Variants in PHKB observed in about 807,000 individuals in gnomAD.
The protein encoded by PHKB is phosphorylase kinase regulatory subunit beta.
PHKB carries 122 observed loss-of-function variants against 152.1 expected under a neutral mutation model. The ratio of observed to expected loss-of-function variants is 0.80; its 90% CI spans 0.69 to 0.93. PHKB has a LOEUF of 0.93. Among genes scored for constraint, PHKB ranks in the 40% least tolerant of loss-of-function variants. PHKB has a pLI of 0.00. For synonymous variants in PHKB, 436 were observed against 464.9 expected, an observed-to-expected ratio of 0.94 and a Z score of 0.80; for missense variants, 1,304 against 1,328.4, an observed-to-expected ratio of 0.98 and a Z score of 0.29.
chr16:47,578,413 A>T (rs899806828), intron 7 of PHKB, among the ~76,000 whole-genome samples: 1 of 152,160 alleles, frequency 6.6e-6, no homozygotes, highest in East Asian at 1.9e-4. Context: ...GCATAATAGT[A>T]TAAGACCCTA....
intron 27 of PHKB, among the ~76,000 whole-genome samples, chr16:47,693,143 G>C (rs865881152): frequency 6.6e-6 from 1 of 152,260 alleles, no homozygotes; most frequent in Middle Eastern, 3.4e-3. Flanking sequence ...TTACTTACAG[G>C]ATAACATTTT....
At chr16:47,606,183 A>G (rs1972320441) in intron 13 of PHKB, among the ~76,000 whole-genome samples, 1 of 152,198 alleles carries the variant, frequency 6.6e-6, no homozygotes, top group Non-Finnish European at 1.5e-5. Context: ...TATTGAAAAG[A>G]TCTTCCAAGA....
chr16:47,503,485 G>A (rs755770151), intron 4 of PHKB, among the ~76,000 whole-genome samples: 26 of 152,148 alleles, frequency 1.7e-4, no homozygotes, highest in Non-Finnish European at 3.4e-4. Flanking sequence ...GTTTAAAAAT[G>A]TAACACTTCA....
At chr16:47,683,200 G>C (rs1244634560) in intron 26 of PHKB, among the ~76,000 whole-genome samples, 1 of 152,222 alleles carries the variant, frequency 6.6e-6, no homozygotes, top group Non-Finnish European at 1.5e-5. Flanking sequence ...CAGTTAGGCT[G>C]CTCGGGGGTC....
At position 47,689,148 on chromosome 16, in the gene PHKB, A is replaced by G; in HGVS notation, c.2738A>G (p.Asp913Gly). 1.2e-6 allele frequency: 2 copies of G among 1,614,088 alleles called. No individual in the cohort carries two copies. The highest frequency in any genetic ancestry group is 2.7e-5 in the African/African-American group (2 of 75,034). The change falls in exon 27 of 31, where the codon GAT (aspartate) becomes GGT (glycine). Residue 913 changes from aspartate to glycine, a missense_variant. Physicochemically the swap from Asp to Gly is moderately conservative, Grantham distance 94 (BLOSUM62 -1). Coordinates refer to ENST00000323584, the MANE Select transcript of PHKB (RefSeq NM_000293.3). Reference sequence around the variant, plus strand: ...AGTGAAGTTAAACAGCTTCTGCTGGATATTCTGCAGCCTCAACAGAATGGA... The same window carrying G: ...AGTGAAGTTAAACAGCTTCTGCTGGGTATTCTGCAGCCTCAACAGAATGGA... ...SPSEVKQLLL[D>G]ILQPQQNGRC...
chr16:47,671,236 G>A (rs1255436361), intron 26 of PHKB, among the ~76,000 whole-genome samples: 1 of 151,832 alleles, frequency 6.6e-6, no homozygotes, highest in Non-Finnish European at 1.5e-5. Flanking sequence ...CATCCTTTTT[G>A]CATTCAATGT....
chr16:47,527,808 A>T (rs923569485), intron 6 of PHKB, among the ~76,000 whole-genome samples: 2 of 152,154 alleles, frequency 1.3e-5, no homozygotes, highest in Non-Finnish European at 2.9e-5. Flanking sequence ...GTAAATTTTG[A>T]TGTAGAAAGG....
intron 4 of PHKB, among the ~76,000 whole-genome samples, chr16:47,509,394 T>G (rs1291457222): frequency 1.3e-5 from 2 of 152,144 alleles, no homozygotes; most frequent in African/African-American, 2.4e-5. Flanking sequence ...CAGACTTTTA[T>G]TTTGCTGATT....
Position 47,503,032 on chromosome 16 carries a change from A to G in PHKB, c.347A>G (p.His116Arg). 6.2e-7 allele frequency: 1 copy of G among 1,613,624 alleles called. No homozygotes were observed. The highest frequency in any genetic ancestry group is 8.5e-7 in the Non-Finnish European group (1 of 1,179,498). ...AAGGGAAGGACCCATGAGCTGGAGCACTCAGCTATAAAATGCATGAGAGGA... is the reference window on the plus strand; with the variant it reads ...AAGGGAAGGACCCATGAGCTGGAGCGCTCAGCTATAAAATGCATGAGAGGA... ...DDKGRTHELE[H>R]SAIKCMRGIL... Residue 116 changes from histidine (H) to arginine (R), a missense_variant, in exon 4 of 31, where the codon CAC becomes CGC. Physicochemically the swap from His to Arg is conservative, Grantham distance 29. Transcript: ENST00000323584.
At chr16:47,676,536 T>C (rs2142086877) in intron 26 of PHKB, 1 of 152,342 alleles carries the variant, frequency 6.6e-6, no homozygotes, top group Non-Finnish European at 1.5e-5. Context: ...AGTATACTTT[T>C]ATCTCAGGTT....
intron 7 of PHKB, among the ~76,000 whole-genome samples, chr16:47,572,928 G>A (rs1252410622): frequency 1.3e-5 from 2 of 152,140 alleles, no homozygotes; most frequent in Non-Finnish European, 2.9e-5. Flanking sequence ...ACAATTTAGG[G>A]ACTTGTTGAG....
At chr16:47,517,043 T>A (rs559145534) in intron 6 of PHKB, among the ~76,000 whole-genome samples, 2 of 152,070 alleles carry the variant, frequency 1.3e-5, no homozygotes, top group Admixed American at 6.5e-5. Context: ...TTAAAGAGCA[T>A]GCCAATATAT....
At position 47,630,415 on chromosome 16, in the gene PHKB, G is replaced by T. The variant is rs556199662; in HGVS notation, c.1459-10620G>T. ...GAGAATCACTTGAACCTGGGAGGCA[G>T]AGGTTGCAGTGAGCTGAGATTTCGC... is the stretch of plus-strand genomic sequence containing the variant. On this transcript the variant is annotated intron_variant, in intron 14 of 30. Coordinates refer to ENST00000323584, the MANE Select transcript of PHKB (RefSeq NM_000293.3). Among the ~76,000 whole-genome samples the T allele has an allele frequency of 2.3e-4, 35 of 152,176 alleles. 1 individual carries two copies. In the South Asian group the frequency reaches 7.3e-3, roughly 32 times the overall value.
At chr16:47,498,808 G>T (rs1970275848) in intron 2 of PHKB, among the ~76,000 whole-genome samples, 1 of 152,098 alleles carries the variant, frequency 6.6e-6, no homozygotes, top group South Asian at 2.1e-4. Context: ...AGTCTAAGTT[G>T]GGAGGATCAC....
intron 14 of PHKB, among the ~76,000 whole-genome samples, chr16:47,631,938 G>A (rs1378117100): frequency 1.3e-5 from 2 of 152,126 alleles, no homozygotes; most frequent in East Asian, 3.9e-4. Flanking sequence ...CAACCATTGA[G>A]GAAGTCAGTG....
intron 8 of PHKB, among the ~76,000 whole-genome samples, chr16:47,586,946 GTATATGGGGGAATTGTATAAAAAATATA>G (rs958327762): frequency 6.6e-6 from 1 of 151,558 alleles, no homozygotes; most frequent in African/African-American, 2.4e-5. Context: ...GCATATATAC[GTATATGGGGGAATTGTATAAAAAATATA>G]TATATGGGGG....
At chr16:47,622,326 A>G (rs897099779) in intron 14 of PHKB, among the ~76,000 whole-genome samples, 5 of 152,172 alleles carry the variant, frequency 3.3e-5, no homozygotes, top group Non-Finnish European at 7.4e-5. Context: ...AAACCTATCA[A>G]TTAACGCCTT....
At chr16:47,506,297 T>TAG (rs1970418610) in intron 4 of PHKB, among the ~76,000 whole-genome samples, 1 of 152,168 alleles carries the variant, frequency 6.6e-6, no homozygotes, top group African/African-American at 2.4e-5. Context: ...ATTCTGCTAC[T>TAG]AGAATATGGC....
At position 47,701,166 on chromosome 16, in the gene PHKB, A is replaced by G. The variant is rs1414487698; in HGVS notation, c.*1800A>G. Reference sequence around the variant, plus strand: ...GGGAATTGAGAGCTGACACTTCATAACTGGAGAAACTGGAAATTAAAGAAA... The same window carrying G: ...GGGAATTGAGAGCTGACACTTCATAGCTGGAGAAACTGGAAATTAAAGAAA... On this transcript the variant is annotated 3_prime_UTR_variant, in exon 31 of 31. Coordinates refer to ENST00000323584, the MANE Select transcript of PHKB (RefSeq NM_000293.3). 6.6e-6 allele frequency: 1 copy of G among 152,222 alleles called. No homozygotes were observed. Among genetic ancestry groups the G allele is most frequent in the Non-Finnish European group, 1.5e-5 (1 of 68,042 alleles). The allele number at this position is 152,222 out of a possible 1,614,324, so 9.4% of individuals were successfully genotyped here. A position where few individuals can be genotyped will look rare whatever the true frequency, so the allele number is the denominator to read the frequency against.
Sources: gnomAD v4.1 joint callset for allele counts (sites outside exome capture counted in the v4.1 genomes callset) on GRCh38, gnomAD v4.1.1 for gene constraint, MANE v1.5 for transcripts, NCBI Gene and HGNC (gene_info 2026-07-23, HGNC 2026-07-21) for gene names.